Variants in JAGN1 observed in about 807,000 individuals in gnomAD.
The protein encoded by JAGN1 is protein jagunal homolog 1.
In JAGN1, 13 loss-of-function variants were observed where a neutral mutation model predicts 17.1. The ratio of observed to expected loss-of-function variants is 0.76; its 90% confidence interval spans 0.49 to 1.21. JAGN1 has a LOEUF of 1.21. Ranked by LOEUF, JAGN1 falls within the 50% of genes most tolerant of loss-of-function variation. The pLI is 0.00. For synonymous variants in JAGN1, 111 were observed against 91.0 expected (o/e 1.22, Z -1.25); for missense variants, 256 against 234.2 (o/e 1.09, Z -0.61).
chr3:9,893,287 G>A lies in JAGN1; in HGVS notation c.462G>A (p.Leu154=). Residue 154 remains leucine (L), a synonymous_variant, in exon 2 of 2, where the codon TTG becomes TTA. Transcript: ENST00000647897. ...AVSIMYLVLV[L]AVQVHAWQLY... is the part of the protein sequence containing the mutation. ...CCATCATGTACCTGGTGTTGGTGTT[G>A]GCAGTGCAAGTGCATGCCTGGCAGT... 1.2e-6 allele frequency: 2 copies of A among 1,614,208 alleles called. No homozygotes were observed. The highest frequency in any genetic ancestry group is 2.2e-5 in the South Asian group (2 of 91,086).
Position 9,893,127 on chromosome 3 carries a change from T to C in JAGN1, c.302T>C (p.Val101Ala). 6.2e-7 allele frequency: 1 copy of C among 1,614,220 alleles called. No individual in the cohort carries two copies. The highest frequency in any genetic ancestry group is 8.5e-7 in the Non-Finnish European group (1 of 1,180,030). ...SFPRNNISYL[V>A]LSMISMGLFS... ...CCCCGCAACAACATTAGCTACCTGG[T>C]GCTCTCCATGATCAGCATGGGACTC... The change falls in exon 2 of 2, where the codon GTG becomes GCG. Residue 101 changes from valine (V) to alanine (A), a missense_variant. Val to Ala is a moderately conservative substitution (Grantham distance 64). Coordinates refer to ENST00000647897, the MANE Select transcript of JAGN1 (RefSeq NM_032492.4).
rs1559259122 is a variant in JAGN1 at position 9,890,799 on chromosome 3, A to G, written c.77A>G (p.His26Arg). 2 of 1,606,880 alleles carry G rather than the reference A, an allele frequency of 1.2e-6. No homozygotes were observed. The highest frequency in any genetic ancestry group is 1.7e-6 in the Non-Finnish European group (2 of 1,177,568). The part of the protein sequence containing the change: ...DFQHRERVAM[H>R]YQMSVTLKYE... The stretch of plus-strand genomic sequence containing the variant: ...CAGCACCGGGAGCGCGTCGCCATGC[A>G]CTACCAGATGAGGTATGAAGTGAGG... The change falls in exon 1 of 2, where the codon CAC (histidine) becomes CGC (arginine). Residue 26 changes from histidine (H) to arginine (R), a missense_variant. Coordinates refer to ENST00000647897, the MANE Select transcript of JAGN1 (RefSeq NM_032492.4).
rs756338118 is a variant in JAGN1, at chr3:9,893,274, T to C, written c.449T>C (p.Leu150Pro). The C allele has an allele frequency of 3.1e-6, 5 of 1,614,218 alleles. No individual in the cohort carries two copies. The highest frequency in any genetic ancestry group is 4.2e-6 in the Non-Finnish European group (5 of 1,180,032). ...TTTTCTGCCGTTTCCATCATGTACCTGGTGTTGGTGTTGGCAGTGCAAGTG... is the reference window on the plus strand; with the variant it reads ...TTTTCTGCCGTTTCCATCATGTACCCGGTGTTGGTGTTGGCAGTGCAAGTG... Reference protein sequence around the residue: ...FGFSAVSIMYLVLVLAVQVHA... With the variant: ...FGFSAVSIMYPVLVLAVQVHA... The change falls in exon 2 of 2, where the codon CTG becomes CCG. Residue 150 changes from leucine to proline, a missense_variant. Coordinates refer to ENST00000647897, the MANE Select transcript of JAGN1 (RefSeq NM_032492.4).
Position 9,893,163 on chromosome 3 carries a change from C to T in JAGN1, c.338C>T (p.Ala113Val). 6.2e-7 allele frequency: 1 copy of T among 1,614,240 alleles called. No homozygotes were observed. The highest frequency in any genetic ancestry group is 8.5e-7 in the Non-Finnish European group (1 of 1,180,030). ...SMISMGLFSI[A>V]PLIYGSMEMF... The stretch of plus-strand genomic sequence containing the variant: ...ATCAGCATGGGACTCTTTTCCATCG[C>T]TCCACTCATTTATGGCAGCATGGAG... The change falls in exon 2 of 2, where the codon GCT (alanine) becomes GTT (valine). Residue 113 changes from alanine to valine, a missense_variant. By Grantham distance (64) the Ala-to-Val change is moderately conservative. Coordinates refer to ENST00000647897, the MANE Select transcript of JAGN1 (RefSeq NM_032492.4).
chr3:9,892,768 A>C, intron 1 of JAGN1, 147 bp from the exon 2 acceptor site: 4 of 606,734 alleles, frequency 6.6e-6, no homozygotes, highest in Middle Eastern at 7.5e-4. Flanking sequence ...TTCATTTTCT[A>C]ATTACTTTTT....
Position 9,893,399 on chromosome 3 carries a change from G to C in JAGN1, c.*22G>C. On this transcript the variant is annotated 3_prime_UTR_variant, in exon 2 of 2. Transcript: ENST00000647897. The stretch of plus-strand genomic sequence containing the variant: ...ATGAAGCCTCTTTGGGGTGAAGCCT[G>C]GACATCCCATCGAATGAAAGGACAC... 6.4e-7 allele frequency: 1 copy of C among 1,554,008 alleles called. No individual in the cohort carries two copies. Among genetic ancestry groups the C allele is most frequent in the South Asian group, 1.2e-5 (1 of 85,152 alleles).
Position 9,890,667 on chromosome 3 carries a change from G to A in JAGN1, c.-56G>A. ...AAATAGGGTCAGTGGGCCGCTTGGC[G>A]GTGTCGTTGCGGTACCAGGTCCGCG... On this transcript the variant is annotated 5_prime_UTR_variant, in exon 1 of 2. Transcript: ENST00000647897. 3 of 1,518,094 alleles carry A rather than the reference G, an allele frequency of 2.0e-6. No homozygotes were observed. The highest frequency in any genetic ancestry group is 2.7e-6 in the Non-Finnish European group (3 of 1,114,722). 94.0% of individuals were successfully genotyped at this position (1,518,094 alleles called of 1,614,324 possible). A position where few individuals can be genotyped will look rare whatever the true frequency, so the allele number is the denominator to read the frequency against.
intron 1 of JAGN1, among the ~76,000 whole-genome samples, chr3:9,891,696 C>T (rs536621739): frequency 6.6e-6 from 1 of 152,332 alleles, no homozygotes; most frequent in East Asian, 1.9e-4. Flanking sequence ...GCTCTTTGAA[C>T]TCTCATTTGT....
At position 9,893,476 on chromosome 3, in the gene JAGN1, G is replaced by T; in HGVS notation, c.*99G>T. On this transcript the variant is annotated 3_prime_UTR_variant, in exon 2 of 2. Coordinates refer to ENST00000647897, the MANE Select transcript of JAGN1 (RefSeq NM_032492.4). Reference sequence around the variant, plus strand: ...TGGTGATTTTAGCAGCTGTGATGTTGGTACCTGGTGCAGACCAGGCCAAAG... The same window carrying T: ...TGGTGATTTTAGCAGCTGTGATGTTTGTACCTGGTGCAGACCAGGCCAAAG... 9.9e-7 allele frequency: 1 copy of T among 1,006,144 alleles called. No homozygotes were observed. The highest frequency in any genetic ancestry group is 1.4e-6 in the Non-Finnish European group (1 of 701,988). 62.3% of individuals were successfully genotyped at this position (1,006,144 alleles called of 1,614,324 possible).
At chr3:9,892,202 G>A (rs910945641) in intron 1 of JAGN1, among the ~76,000 whole-genome samples, 1 of 152,062 alleles carries the variant, frequency 6.6e-6, no homozygotes, top group Non-Finnish European at 1.5e-5. Context: ...ATTTTTAGTA[G>A]AGACAGGGTT....
chr3:9,890,860 T>A (rs2082557912), intron 1 of JAGN1, 49 bp downstream of exon 1: 4 of 1,466,316 alleles, frequency 2.7e-6, no homozygotes, highest in Non-Finnish European at 2.8e-6. Context: ...CGCTGGAGCC[T>A]GCGGGGCTTG....
In JAGN1 at chr3:9,893,701, T is replaced by C. The variant is rs549365522; in HGVS notation, c.*324T>C. 3.5e-6 allele frequency: 1 copy of C among 287,622 alleles called. No homozygotes were observed. Among genetic ancestry groups the C allele is most frequent in the South Asian group, 6.0e-5 (1 of 16,542 alleles). 17.8% of individuals were successfully genotyped at this position (287,622 alleles called of 1,614,324 possible). On this transcript the variant is annotated 3_prime_UTR_variant, in exon 2 of 2. Transcript: ENST00000647897. ...ATTTCCATCCATTACCCCTTAGCCATTGAGACTAAAGGAAATAGGGAATAA... is the reference window on the plus strand; with the variant it reads ...ATTTCCATCCATTACCCCTTAGCCACTGAGACTAAAGGAAATAGGGAATAA...
In JAGN1 at chr3:9,893,513, TCCTTTTGCCATCTGCTG is replaced by T; in HGVS notation, c.*137_*153del. 2 of 705,500 alleles carry T rather than the reference TCCTTTTGCCATCTGCTG, an allele frequency of 2.8e-6. No individual in the cohort carries two copies. The highest frequency in any genetic ancestry group is 4.6e-6 in the Non-Finnish European group (2 of 438,594). 43.7% of individuals were successfully genotyped at this position (705,500 alleles called of 1,614,324 possible). A position where few individuals can be genotyped will look rare whatever the true frequency, so the allele number is the denominator to read the frequency against. ...AGACCAGGCCAAAGTTCTGGAAAGC[TCCTTTTGCCATCTGCTG>T]AGGTGGCAAAACTATAATTTATTCC... On this transcript the variant is annotated 3_prime_UTR_variant, in exon 2 of 2. Transcript: ENST00000647897.
In JAGN1 at chr3:9,893,502, T is replaced by G; in HGVS notation, c.*125T>G. 1 of 770,240 alleles carries G rather than the reference T, an allele frequency of 1.3e-6. No homozygotes were observed. The highest frequency in any genetic ancestry group is 3.9e-4 in the Middle Eastern group (1 of 2,590). 47.7% of individuals were successfully genotyped at this position (770,240 alleles called of 1,614,324 possible). The stretch of plus-strand genomic sequence containing the variant: ...GTACCTGGTGCAGACCAGGCCAAAG[T>G]TCTGGAAAGCTCCTTTTGCCATCTG... On this transcript the variant is annotated 3_prime_UTR_variant, in exon 2 of 2. Transcript: ENST00000647897.
At position 9,890,743 on chromosome 3, in the gene JAGN1, G is replaced by T; in HGVS notation, c.21G>T (p.Pro7=). 1 of 1,609,192 alleles carries T rather than the reference G, an allele frequency of 6.2e-7. No individual in the cohort carries two copies. Among genetic ancestry groups the T allele is most frequent in the Non-Finnish European group, 8.5e-7 (1 of 1,178,556 alleles). The part of the protein sequence containing the change: MASRAG[P]RAAGTDGSDF... The stretch of plus-strand genomic sequence containing the variant: ...GCACAATGGCGTCTCGAGCAGGCCC[G>T]CGAGCGGCCGGCACCGACGGCAGCG... Residue 7 remains proline, a synonymous_variant, in exon 1 of 2, where the codon CCG becomes CCT. Coordinates refer to ENST00000647897, the MANE Select transcript of JAGN1 (RefSeq NM_032492.4).
rs748678543 is a variant in JAGN1 at position 9,893,014 on chromosome 3, G to A, written c.189G>A (p.Leu63=). 1.4e-4 allele frequency: 218 copies of A among 1,614,052 alleles called. 1 individual carries two copies. Among genetic ancestry groups the A allele is most frequent in the Non-Finnish European group, 1.7e-4 (204 of 1,180,012 alleles). Residue 63 remains leucine, a synonymous_variant, in exon 2 of 2, where the codon TTG becomes TTA. Transcript: ENST00000647897. ...TGAGCGTGGGACACCTGAGGCTCTT[G>A]TCACATGATCAGGTGGCCATGCCCT... ...AKMSVGHLRL[L]SHDQVAMPYQ...
At chr3:9,890,835 G>A (rs762351438) in intron 1 of JAGN1, 24 bp downstream of exon 1, 1 of 1,564,780 alleles carries the variant, frequency 6.4e-7, no homozygotes, top group South Asian at 1.2e-5. Flanking sequence ...CGAGGAGCAC[G>A]GAGGCTTTCT....
At chr3:9,890,887 C>T (rs1034818241) in intron 1 of JAGN1, 76 bp downstream of exon 1, 14 of 1,300,872 alleles carry the variant, frequency 1.1e-5, no homozygotes, top group African/African-American at 1.5e-5. Flanking sequence ...GACGCCGGCC[C>T]GGCCTCAGGG....
Position 9,890,682 on chromosome 3 carries a change from C to T in JAGN1, c.-41C>T, listed in dbSNP as rs756765119. 2.0e-5 allele frequency: 32 copies of T among 1,567,422 alleles called. No individual in the cohort carries two copies. The Admixed American group carries it at 2.6e-4, about 13-fold the overall frequency. ...GCCGCTTGGCGGTGTCGTTGCGGTA[C>T]CAGGTCCGCGTGAGGGGTTCGGGGG... is the stretch of plus-strand genomic sequence containing the variant. On this transcript the variant is annotated 5_prime_UTR_variant, in exon 1 of 2. Coordinates refer to ENST00000647897, the MANE Select transcript of JAGN1 (RefSeq NM_032492.4).
Sources: gnomAD v4.1 joint callset for allele counts (sites outside exome capture counted in the v4.1 genomes callset) on GRCh38, gnomAD v4.1.1 for gene constraint, MANE v1.5 for transcripts, NCBI Gene and HGNC (gene_info 2026-07-23, HGNC 2026-07-21) for gene names.